LRRC4C: variants seen among roughly 807,000 people sequenced by gnomAD.
LRRC4C encodes leucine-rich repeat-containing protein 4C.
LRRC4C carries 5 observed loss-of-function variants against 33.6 expected under a neutral mutation model. The observed-to-expected ratio is 0.15, with a 90% CI of 0.08 to 0.31. LRRC4C has a LOEUF of 0.31. Ranked by LOEUF, LRRC4C falls within the 10% of genes least tolerant of loss-of-function variation. LRRC4C has a pLI of 1.00. For missense variants in LRRC4C, 560 were observed against 796.7 expected, an observed-to-expected ratio of 0.70 and a Z score of 3.58; for synonymous variants, 329 against 302.0, an observed-to-expected ratio of 1.09 and a Z score of -0.93.
chr11:40,555,573 T>A (rs1320895893), intron 3 of LRRC4C, among the ~76,000 whole-genome samples: 1 of 152,154 alleles, frequency 6.6e-6, no homozygotes, highest in Non-Finnish European at 1.5e-5. Flanking sequence ...CCCTGACAGC[T>A]CTCAAGAAAC....
intron 1 of LRRC4C, among the ~76,000 whole-genome samples, chr11:41,215,014 G>GTGTATATATATA (rs1438617121): frequency 3.1e-5 from 4 of 131,074 alleles, no homozygotes; most frequent in African/African-American, 1.2e-4. Context: ...TTTTATTCAT[G>GTGTATATATATA]TATATATATA....
intron 3 of LRRC4C, among the ~76,000 whole-genome samples, chr11:40,540,200 G>A (rs1956647594): frequency 6.6e-6 from 1 of 152,162 alleles, no homozygotes; most frequent in Non-Finnish European, 1.5e-5. Context: ...AGAATTGAAA[G>A]TCTTTTTCCC....
chr11:40,189,300 A>G (rs895430041), intron 5 of LRRC4C, among the ~76,000 whole-genome samples: 2 of 152,338 alleles, frequency 1.3e-5, no homozygotes, highest in Non-Finnish European at 2.9e-5. Context: ...TTGTTATTAC[A>G]AATTGGATTT....
chr11:40,262,982 G>GA lies in LRRC4C; in HGVS notation c.-175-21385dup, dbSNP rs771742878. ...GTATCCTAGAACTTAAAGTATAACT[G>GA]AAAAAAAAAAAAAGAATTTTTTTTG... On this transcript the variant is annotated intron_variant, in intron 4 of 6. Coordinates refer to ENST00000528697, the MANE Select transcript of LRRC4C (RefSeq NM_001258419.2). 1.1e-3 allele frequency among the ~76,000 whole-genome samples: 140 copies of GA among 128,002 alleles called. 1 individual carries two copies. The highest frequency in any genetic ancestry group is 4.1e-3 in the Middle Eastern group (1 of 246). 84.0% of individuals were successfully genotyped at this position (128,002 alleles called of 152,430 possible). A position where few individuals can be genotyped will look rare whatever the true frequency, so the allele number is the denominator to read the frequency against.
chr11:41,237,224 G>A (rs571237602), intron 1 of LRRC4C, among the ~76,000 whole-genome samples: 5 of 152,272 alleles, frequency 3.3e-5, no homozygotes, highest in South Asian at 2.1e-4. Flanking sequence ...TTGAAAGCAG[G>A]TGTTACTGTT....
Position 40,115,335 on chromosome 11 carries a change from C to A in LRRC4C, c.958G>T (p.Ala320Ser), listed in dbSNP as rs1855349267. The A allele has an allele frequency of 6.2e-7, 1 of 1,614,128 alleles. No individual in the cohort carries two copies. Residue 320 changes from alanine (A) to serine (S), a missense_variant, in exon 7 of 7, where the codon GCC (alanine) becomes TCC (serine). By Grantham distance (99) the Ala-to-Ser change is moderately conservative. Transcript: ENST00000528697. The surrounding 1 kb of genome is among the most constrained non-coding windows in gnomAD (Gnocchi z 6.7). ...LWLSWWIKDM[A>S]PSNTACCARC... is the part of the protein sequence containing the mutation. ...GCACAACAAGCTGTGTTCGAGGGGG[C>A]CATGTCTTTTATCCACCAGCTGAGC...
chr11:40,907,069 A>ATAT (rs1237687801), intron 2 of LRRC4C, among the ~76,000 whole-genome samples: 3 of 152,184 alleles, frequency 2.0e-5, no homozygotes, highest in Non-Finnish European at 2.9e-5. Context: ...AGTCCAGCAA[A>ATAT]TATAGAGATA....
At chr11:41,081,414 C>T (rs1320623260) in intron 1 of LRRC4C, among the ~76,000 whole-genome samples, 1 of 152,116 alleles carries the variant, frequency 6.6e-6, no homozygotes, top group Non-Finnish European at 1.5e-5. Flanking sequence ...GAATTCTCAC[C>T]CAGCAGTCTT....
chr11:41,327,473 C>T (rs182107868), intron 1 of LRRC4C, among the ~76,000 whole-genome samples: 8 of 152,186 alleles, frequency 5.3e-5, no homozygotes, highest in Non-Finnish European at 8.8e-5. Context: ...GGCAGAAACC[C>T]AAGTGTACAA....
At chr11:40,122,620 T>G (rs1855905704) in intron 6 of LRRC4C, among the ~76,000 whole-genome samples, 1 of 152,152 alleles carries the variant, frequency 6.6e-6, no homozygotes, top group African/African-American at 2.4e-5. Flanking sequence ...GTTCTTTTCC[T>G]TACCATCATA....
At chr11:40,758,716 G>A (rs1010048494) in intron 2 of LRRC4C, among the ~76,000 whole-genome samples, 1 of 151,944 alleles carries the variant, frequency 6.6e-6, no homozygotes, top group Non-Finnish European at 1.5e-5. Context: ...GATGCAGGGA[G>A]CATACAATAA....
At chr11:41,070,240 T>G (rs536654383) in intron 1 of LRRC4C, among the ~76,000 whole-genome samples, 118 of 152,232 alleles carry the variant, frequency 7.8e-4, no homozygotes, top group African/African-American at 2.7e-3. Flanking sequence ...ACTGGAGCCC[T>G]TTTTTACACC....
chr11:40,121,654 T>C (rs1028169540), intron 6 of LRRC4C, among the ~76,000 whole-genome samples: 2 of 152,236 alleles, frequency 1.3e-5, no homozygotes, highest in African/African-American at 2.4e-5. Flanking sequence ...CAACAGACTT[T>C]CTTCCTTTAC....
chr11:41,083,674 T>A (rs1375759738), intron 1 of LRRC4C, among the ~76,000 whole-genome samples: 4 of 152,124 alleles, frequency 2.6e-5, no homozygotes, highest in Admixed American at 6.6e-5. Context: ...GCGAAAAAAA[T>A]TTAAATATTA....
chr11:40,522,613 A>T (rs1489152882), intron 3 of LRRC4C, among the ~76,000 whole-genome samples: 1 of 152,188 alleles, frequency 6.6e-6, no homozygotes, highest in African/African-American at 2.4e-5. Context: ...TGAAGAAGTA[A>T]TATTTAAATT....
intron 2 of LRRC4C, among the ~76,000 whole-genome samples, chr11:40,826,873 T>C (rs979295633): frequency 6.6e-6 from 1 of 152,134 alleles, no homozygotes; most frequent in Middle Eastern, 3.4e-3. Flanking sequence ...AGGATTTAAA[T>C]ACATACTTTG....
chr11:40,555,877 TG>T (rs1198397802), intron 3 of LRRC4C, among the ~76,000 whole-genome samples: 1 of 152,198 alleles, frequency 6.6e-6, no homozygotes, highest in African/African-American at 2.4e-5. Flanking sequence ...AAACAATAAT[TG>T]GGAATCAAAA....
chr11:40,349,803 T>G (rs1208627230), intron 3 of LRRC4C, among the ~76,000 whole-genome samples: 1 of 152,154 alleles, frequency 6.6e-6, no homozygotes, highest in Non-Finnish European at 1.5e-5. Context: ...TAATTTCGAT[T>G]TGCATTTCTC....
At chr11:40,498,648 T>C (rs1272014266) in intron 3 of LRRC4C, among the ~76,000 whole-genome samples, 1 of 152,208 alleles carries the variant, frequency 6.6e-6, no homozygotes, top group African/African-American at 2.4e-5. Flanking sequence ...TTAGCAATGT[T>C]GTGGTGAGAA....
Sources: allele counts gnomAD v4.1 joint callset (sites outside exome capture counted in the v4.1 genomes callset), GRCh38; gene constraint gnomAD v4.1.1; non-coding constraint Gnocchi (gnomAD v3.1); transcripts MANE v1.5; gene names NCBI Gene and HGNC (gene_info 2026-07-23, HGNC 2026-07-21).